The following DMD variants were observed in gnomAD, a reference collection of about 807,000 sequenced individuals.
The protein encoded by DMD is dystrophin.
DMD carries 63 observed loss-of-function variants against 330.1 expected under a neutral mutation model. The observed-to-expected ratio is 0.19, with a 90% CI of 0.16 to 0.24. The LOEUF (loss-of-function observed/expected upper bound fraction) is 0.24, where lower values mean the gene tolerates loss of function less well. DMD is among the 10% of genes least tolerant of loss of function. The pLI is 1.00. For missense variants in DMD, 3,344 were observed against 2,684.1 expected, an observed-to-expected ratio of 1.25 and a Z score of -5.43; for synonymous variants, 1,223 against 959.8, an observed-to-expected ratio of 1.27 and a Z score of -5.07.
At chrX:32,524,329 T>C (rs1298360554) in intron 17 of DMD, among the ~76,000 whole-genome samples, 2 of 112,083 alleles carry the variant, frequency 1.8e-5, no homozygotes, top group Admixed American at 9.5e-5. Flanking sequence ...CTCCTTTTTT[T>C]CCCCTTCATA....
chrX:33,162,111 C>T (rs939673095), intron 1 of DMD, among the ~76,000 whole-genome samples: 1 of 111,635 alleles, frequency 9.0e-6, no homozygotes, highest in Non-Finnish European at 1.9e-5. Context: ...CAGCTAACAC[C>T]TGCTAGATTT....
chrX:33,103,643 C>T (rs2095260517), intron 1 of DMD, among the ~76,000 whole-genome samples: 1 of 111,126 alleles, frequency 9.0e-6, no homozygotes, highest in Admixed American at 9.7e-5. Flanking sequence ...GGACTCAGCC[C>T]GCCTGCACCC....
chrX:32,966,161 G>A (rs1300190668), intron 2 of DMD, among the ~76,000 whole-genome samples: 2 of 111,697 alleles, frequency 1.8e-5, no homozygotes, highest in Non-Finnish European at 3.8e-5. Context: ...GATCTAATTT[G>A]TATAGGGGGT....
intron 60 of DMD, among the ~76,000 whole-genome samples, chrX:31,394,410 C>T (rs1277473594): frequency 8.9e-6 from 1 of 112,569 alleles, no homozygotes; most frequent in Non-Finnish European, 1.9e-5. Flanking sequence ...ATAATCACTT[C>T]AGTTTTTCTA....
intron 2 of DMD, among the ~76,000 whole-genome samples, chrX:32,913,223 T>C (rs1400099502): frequency 8.9e-6 from 1 of 111,855 alleles, no homozygotes; most frequent in Non-Finnish European, 1.9e-5. Context: ...TATATCGTTG[T>C]CAGTCACTTT....
chrX:31,154,903 T>C (rs1180666134), intron 74 of DMD, among the ~76,000 whole-genome samples: 1 of 104,864 alleles, frequency 9.5e-6, no homozygotes, highest in Non-Finnish European at 1.9e-5. Context: ...CTGTAGCCAG[T>C]CATCCTAAAA....
At chrX:32,913,669 C>T (rs954209045) in intron 2 of DMD, among the ~76,000 whole-genome samples, 2 of 111,516 alleles carry the variant, frequency 1.8e-5, no homozygotes, top group African/African-American at 6.5e-5. Flanking sequence ...TGGAGAGTCT[C>T]GGGCATGCTA....
At chrX:32,831,497 A>G (rs985226365) in intron 4 of DMD, among the ~76,000 whole-genome samples, 51 of 111,029 alleles carry the variant, frequency 4.6e-4, no homozygotes, top group Non-Finnish European at 3.8e-4. Flanking sequence ...AAAATAGTAA[A>G]TAAGACGTCA....
At position 32,814,077 on chromosome X, in the gene DMD, G is replaced by GT. The variant is rs760570113; in HGVS notation, c.530+2390dup. ...GACTGCATCTAAGAATTGAAATAAG[G>GT]TAAGTTAAGATTGGGGTCATGAAGA... On this transcript the variant is annotated intron_variant, in intron 6 of 78. Coordinates refer to ENST00000357033, the MANE Select transcript of DMD (RefSeq NM_004006.3). Among the ~76,000 whole-genome samples the GT allele has an allele frequency of 5.0e-3, 554 of 111,578 alleles. 10 individuals carry two copies. Among genetic ancestry groups the GT allele is most frequent in the African/African-American group, 0.017 (517 of 30,766 alleles).
At chrX:31,959,336 G>T (rs747986284) in intron 45 of DMD, among the ~76,000 whole-genome samples, 2 of 111,577 alleles carry the variant, frequency 1.8e-5, no homozygotes, top group Non-Finnish European at 3.8e-5. Context: ...ATTTGTCATG[G>T]CGTCATTTTT....
chrX:32,396,342 T>C (rs978485419), intron 30 of DMD, among the ~76,000 whole-genome samples: 2 of 111,650 alleles, frequency 1.8e-5, no homozygotes, highest in African/African-American at 6.5e-5. Context: ...AAAATCATCA[T>C]TGAACATCAT....
intron 11 of DMD, among the ~76,000 whole-genome samples, chrX:32,615,098 C>T (rs2057461288): frequency 9.0e-6 from 1 of 110,931 alleles, no homozygotes; most frequent in African/African-American, 3.3e-5. Context: ...TCAGCACAGC[C>T]CAAGGGGTGA....
At chrX:31,759,614 T>C in intron 51 of DMD, among the ~76,000 whole-genome samples, 1 of 112,035 alleles carries the variant, frequency 8.9e-6, no homozygotes, top group Non-Finnish European at 1.9e-5. Flanking sequence ...CTATATATTA[T>C]GTACTACTCT....
intron 2 of DMD, among the ~76,000 whole-genome samples, chrX:32,954,089 T>C (rs1287946636): frequency 1.8e-5 from 2 of 112,279 alleles, no homozygotes; most frequent in Non-Finnish European, 3.8e-5. Context: ...AGAATCAAGC[T>C]TACTATAATT....
intron 62 of DMD, among the ~76,000 whole-genome samples, chrX:31,314,349 A>C (rs2055789443): frequency 8.9e-6 from 1 of 112,483 alleles, no homozygotes; most frequent in East Asian, 2.8e-4. Flanking sequence ...AAAGAAAACA[A>C]CAAAACGATT....
chrX:32,607,092 C>T (rs931208801), intron 12 of DMD, among the ~76,000 whole-genome samples: 9 of 109,827 alleles, frequency 8.2e-5, no homozygotes, highest in African/African-American at 2.6e-4. Context: ...CACCACTACA[C>T]GATATATCCA....
chrX:32,969,000 C>G (rs1363273402), intron 2 of DMD, among the ~76,000 whole-genome samples: 1 of 82,735 alleles, frequency 1.2e-5, no homozygotes, highest in East Asian at 4.2e-4. Flanking sequence ...TGCCCTCCAG[C>G]CTGGGAGACA....
chrX:31,120,682 G>C lies in DMD; in HGVS notation c.*1237C>G, dbSNP rs1313643455. 9.0e-6 allele frequency: 1 copy of C among 110,957 alleles called. No homozygotes were observed. The highest frequency in any genetic ancestry group is 1.9e-5 in the Non-Finnish European group (1 of 52,968). 9.1% of individuals were successfully genotyped at this position (110,957 alleles called of 1,213,427 possible). A position where few individuals can be genotyped will look rare whatever the true frequency, so the allele number is the denominator to read the frequency against. On this transcript the variant is annotated 3_prime_UTR_variant, in exon 79 of 79. Transcript: ENST00000357033. Reference sequence around the variant, plus strand: ...CATCCAATCCTTCACTTAAAGAGTGGCCTACTCCTTCACAGGGATGGGCTG... The same window carrying C: ...CATCCAATCCTTCACTTAAAGAGTGCCCTACTCCTTCACAGGGATGGGCTG...
intron 48 of DMD, among the ~76,000 whole-genome samples, chrX:31,852,117 T>A (rs1805109889): frequency 9.0e-6 from 1 of 111,206 alleles, no homozygotes; most frequent in African/African-American, 3.3e-5. Flanking sequence ...TTTGGAAGGA[T>A]CTTGGCTGTT....
Sources: gnomAD v4.1 joint callset for allele counts (sites outside exome capture counted in the v4.1 genomes callset) on GRCh38, gnomAD v4.1.1 for gene constraint, MANE v1.5 for transcripts, NCBI Gene and HGNC (gene_info 2026-07-23, HGNC 2026-07-21) for gene names.